Variants in MIB2 observed in about 807,000 individuals in gnomAD.
MIB2 encodes MIB E3 ubiquitin protein ligase 2, also known as E3 ubiquitin-protein ligase MIB2.
MIB2 carries 78 observed loss-of-function variants against 96.6 expected under a neutral mutation model. The observed-to-expected ratio is 0.81, with a 90% CI of 0.67 to 0.97. The LOEUF (loss-of-function observed/expected upper bound fraction) is 0.97, where lower values mean the gene tolerates loss of function less well. Among genes scored for constraint, MIB2 ranks in the 50% least tolerant of loss-of-function variants. The pLI, the probability that MIB2 is intolerant of heterozygous loss-of-function variation, is 0.00. For synonymous variants in MIB2, 820 were observed against 629.5 expected (o/e 1.30, Z -4.53); for missense variants, 1,543 against 1,424.0 (o/e 1.08, Z -1.35).
Position 1,629,301 on chromosome 1 carries a change from C to G in MIB2, c.2371C>G (p.Gln791Glu), listed in dbSNP as rs766300322. The G allele has an allele frequency of 6.6e-7, 1 of 1,505,802 alleles. No homozygotes were observed. Among genetic ancestry groups the G allele is most frequent in the Non-Finnish European group, 8.8e-7 (1 of 1,142,686 alleles). 93.3% of individuals were successfully genotyped at this position (1,505,802 alleles called of 1,614,324 possible). The change falls in exon 17 of 20, where the codon CAG becomes GAG. Residue 791 changes from glutamine to glutamate, a missense_variant. Physicochemically the swap from Gln to Glu is conservative, Grantham distance 29 (BLOSUM62 2). Coordinates refer to ENST00000355826, the MANE Select transcript of MIB2 (RefSeq NM_001170687.4). Reference sequence around the variant, plus strand: ...GCTCAAGGCCCTTCAGGGCTGCGCCCAGCGCTTCCGGTGAGTCCGTGGACG... The same window carrying G: ...GCTCAAGGCCCTTCAGGGCTGCGCCGAGCGCTTCCGGTGAGTCCGTGGACG... ...RVLKALQGCAQRFRERQAGGG... is the reference protein window; with the variant it reads ...RVLKALQGCAERFRERQAGGG...
At position 1,625,025 on chromosome 1, in the gene MIB2, C is replaced by G; in HGVS notation, c.561C>G (p.Ile187Met). 1 of 1,612,968 alleles carries G rather than the reference C, an allele frequency of 6.2e-7. No individual in the cohort carries two copies. The highest frequency in any genetic ancestry group is 2.2e-5 in the East Asian group (1 of 44,866). The change falls in exon 6 of 20, where the codon ATC (isoleucine) becomes ATG (methionine). Residue 187 changes from isoleucine (I) to methionine (M), a missense_variant. Coordinates refer to ENST00000355826, the MANE Select transcript of MIB2 (RefSeq NM_001170687.4). This position sits in a 1 kb window ranked among gnomAD's most constrained non-coding sequence, Gnocchi z 5.0. ...GGAAACCGGGCCGTGTGGTGGACAT[C>G]CGTGGCTGGGATGTGGAGACAGGCC... The part of the protein sequence containing the change: ...GEGKPGRVVD[I>M]RGWDVETGRS...
At chr1:1,627,967 C>A in intron 13 of MIB2, 52 bp from the exon 14 acceptor site, 1 of 1,608,828 alleles carries the variant, frequency 6.2e-7, no homozygotes, top group Non-Finnish European at 8.5e-7. Context: ...TGCCCTGGCT[C>A]TTGACCCAAG....
At position 1,629,623 on chromosome 1, in the gene MIB2, G is replaced by A; in HGVS notation, c.2564-16G>A. ...GGCTAGTAGGGCCGCAGCCAACCGC[G>A]CTCTCCTCTTCGCAGAGTGCGCGCG... On this transcript the variant is annotated splice_polypyrimidine_tract_variant and intron_variant, in intron 18 of 19. Transcript: ENST00000355826. The A allele has an allele frequency of 6.3e-7, 1 of 1,578,220 alleles. No homozygotes were observed. The highest frequency in any genetic ancestry group is 8.6e-7 in the Non-Finnish European group (1 of 1,162,796).
rs778126615 is a variant in MIB2, at chr1:1,626,710, C to G, written c.1033C>G (p.Arg345Gly). ...RVIGDLDTVKRLQAGHGEWTD... is the reference protein window; with the variant it reads ...RVIGDLDTVKGLQAGHGEWTD... The stretch of plus-strand genomic sequence containing the variant: ...CATCGGCGACCTTGACACAGTGAAG[C>G]GGCTGCAGGCTGGGCATGGCGAGTG... The change falls in exon 9 of 20, where the codon CGG (arginine) becomes GGG (glycine). Residue 345 changes from arginine to glycine, a missense_variant. By Grantham distance (125) the Arg-to-Gly change is moderately radical (BLOSUM62 -2). Coordinates refer to ENST00000355826, the MANE Select transcript of MIB2 (RefSeq NM_001170687.4). The surrounding 1 kb of genome is among the most constrained non-coding windows in gnomAD (Gnocchi z 5.3). 10 of 1,601,044 alleles carry G rather than the reference C, an allele frequency of 6.2e-6. No homozygotes were observed. Among genetic ancestry groups the G allele is most frequent in the Non-Finnish European group, 8.5e-6 (10 of 1,173,626 alleles).
chr1:1,616,092 G>C (rs1643615977), intron 1 of MIB2: 1 of 984,338 alleles, frequency 1.0e-6, no homozygotes, highest in South Asian at 4.7e-5. Context: ...GGCAAGTTGG[G>C]GTCGGCAGGT....
chr1:1,624,076 G>A, intron 4 of MIB2, 131 bp downstream of exon 4: 1 of 1,183,314 alleles, frequency 8.5e-7, no homozygotes. Context: ...CAGAGCCGTG[G>A]CCTTAAGCAG....
At chr1:1,617,566 G>A (rs954280006) in intron 2 of MIB2, 2 of 152,190 alleles carry the variant, frequency 1.3e-5, no homozygotes, top group African/African-American at 2.4e-5. Context: ...TCTCCAGCCT[G>A]GCTTGCTGGC....
chr1:1,629,957 A>T (rs1255708846), intron 19 of MIB2, among the ~76,000 whole-genome samples: 2 of 117,978 alleles, frequency 1.7e-5, no homozygotes, highest in Admixed American at 1.8e-4. Flanking sequence ...GCTGGATTTC[A>T]CGGCCCCTCC....
In MIB2 at chr1:1,625,809, G is replaced by A; in HGVS notation, c.972+156G>A. 1.6e-6 allele frequency: 1 copy of A among 632,978 alleles called. No individual in the cohort carries two copies. The highest frequency in any genetic ancestry group is 1.9e-5 in the South Asian group (1 of 52,558). 39.2% of individuals were successfully genotyped at this position (632,978 alleles called of 1,614,324 possible). On this transcript the variant is annotated intron_variant, in intron 8 of 19. Transcript: ENST00000355826. The surrounding 1 kb of genome is among the most constrained non-coding windows in gnomAD (Gnocchi z 5.0). Reference sequence around the variant, plus strand: ...GGGAGGGACTGGTGGGTGGAGGTGGGTGGGGTCAAGGAGAAGAGGGGGTTG... The same window carrying A: ...GGGAGGGACTGGTGGGTGGAGGTGGATGGGGTCAAGGAGAAGAGGGGGTTG...
intron 2 of MIB2, 175 bp from the exon 3 acceptor site, chr1:1,623,256 C>T: frequency 8.9e-7 from 1 of 1,126,330 alleles, no homozygotes; most frequent in Non-Finnish European, 1.2e-6. Flanking sequence ...CTCCCTGGTG[C>T]CAGACTGCGG....
chr1:1,625,131 T>A lies in MIB2; in HGVS notation c.667T>A (p.Cys223Ser). ...CCACAAGGGCAAGGTGGACCTCAAG[T>A]GTGTGGGCGAGGCAGCGGGCGGCTT... ...VGHKGKVDLK[C>S]VGEAAGGFYY... is the part of the protein sequence containing the mutation. Residue 223 changes from cysteine to serine, a missense_variant, in exon 6 of 20, where the codon TGT becomes AGT. Physicochemically the swap from Cys to Ser is moderately radical, Grantham distance 112. Transcript: ENST00000355826. The surrounding 1 kb of genome is among the most constrained non-coding windows in gnomAD (Gnocchi z 5.0). The A allele has an allele frequency of 6.2e-7, 1 of 1,613,058 alleles. No individual in the cohort carries two copies. The highest frequency in any genetic ancestry group is 8.5e-7 in the Non-Finnish European group (1 of 1,179,800).
At chr1:1,624,926 T>C in intron 5 of MIB2, 25 bp downstream of exon 5, 1 of 1,608,942 alleles carries the variant, frequency 6.2e-7, no homozygotes, top group Non-Finnish European at 8.5e-7. Context: ...AGGGGCGGGG[T>C]CAGGGCTGGG....
Position 1,625,941 on chromosome 1 carries a change from G to A in MIB2, c.972+288G>A. 2.0e-6 allele frequency: 1 copy of A among 511,742 alleles called. No individual in the cohort carries two copies. Among genetic ancestry groups the A allele is most frequent in the Non-Finnish European group, 3.5e-6 (1 of 284,622 alleles). The allele number at this position is 511,742 out of a possible 1,614,324, so 31.7% of individuals were successfully genotyped here. ...GGAAGGCAGGACAGCTTCGTGGGCG[G>A]GAGGGAGGCGGCTGGGCTAAGATGC... On this transcript the variant is annotated intron_variant, in intron 8 of 19. Coordinates refer to ENST00000355826, the MANE Select transcript of MIB2 (RefSeq NM_001170687.4). This position sits in a 1 kb window ranked among gnomAD's most constrained non-coding sequence, Gnocchi z 5.0.
chr1:1,621,543 G>A (rs1333146360), intron 2 of MIB2, among the ~76,000 whole-genome samples: 1 of 152,256 alleles, frequency 6.6e-6, no homozygotes, highest in Non-Finnish European at 1.5e-5. Context: ...AGCGTCACCC[G>A]ACAGGTGAGG....
Position 1,628,057 on chromosome 1 carries a change from G to A in MIB2, c.1719G>A (p.Ser573=), listed in dbSNP as rs544082241. 1.3e-5 allele frequency: 21 copies of A among 1,613,008 alleles called. No individual in the cohort carries two copies. The highest frequency in any genetic ancestry group is 1.6e-5 in the Non-Finnish European group (19 of 1,179,982). ...HSDTPLHSAI[S]AGTGASGIVE... Reference sequence around the variant, plus strand: ...ACACGCCCCTGCACTCCGCCATCTCGGCGGGCACTGGAGCCAGCGGCATTG... The same window carrying A: ...ACACGCCCCTGCACTCCGCCATCTCAGCGGGCACTGGAGCCAGCGGCATTG... The change falls in exon 14 of 20, where the codon TCG becomes TCA. Residue 573 remains serine, a synonymous_variant. Transcript: ENST00000355826.
chr1:1,615,877 G>A (rs1196286024), intron 1 of MIB2: 2 of 1,088,534 alleles, frequency 1.8e-6, no homozygotes, highest in Non-Finnish European at 2.2e-6. Context: ...GCCTCGCGCG[G>A]CCCGGGGCCA....
rs1000385433 is a variant in MIB2, at chr1:1,626,959, T to C, written c.1200T>C (p.Asp400=). 6 of 1,611,480 alleles carry C rather than the reference T, an allele frequency of 3.7e-6. No individual in the cohort carries two copies. The highest frequency in any genetic ancestry group is 5.1e-6 in the Non-Finnish European group (6 of 1,179,606). The part of the protein sequence containing the change: ...SCLVAYRPEE[D]ANLDVAERAR... ...TGGTGGCCTACCGGCCCGAGGAGGATGCCAACCTGGACGTGGCCGAGCGCG... is the reference window on the plus strand; with the variant it reads ...TGGTGGCCTACCGGCCCGAGGAGGACGCCAACCTGGACGTGGCCGAGCGCG... Residue 400 remains aspartate (D), a synonymous_variant, in exon 10 of 20, where the codon GAT becomes GAC. Transcript: ENST00000355826. This position sits in a 1 kb window ranked among gnomAD's most constrained non-coding sequence, Gnocchi z 5.3.
At chr1:1,627,594 G>T in intron 12 of MIB2, 79 bp from the exon 13 acceptor site, 1 of 1,514,756 alleles carries the variant, frequency 6.6e-7, no homozygotes, top group East Asian at 2.4e-5. Context: ...GCGTCCTGGG[G>T]TCGGGCCTGG....
At chr1:1,629,753 C>T (rs1015044201) in intron 19 of MIB2, 49 bp downstream of exon 19, 2 of 1,504,316 alleles carry the variant, frequency 1.3e-6, no homozygotes, top group African/African-American at 1.4e-5. Flanking sequence ...AGCTGGTGGC[C>T]CGCGGGTCCC....
Sources: gnomAD v4.1 joint callset for allele counts (sites outside exome capture counted in the v4.1 genomes callset) on GRCh38, gnomAD v4.1.1 for gene constraint, Gnocchi (gnomAD v3.1) non-coding constraint, MANE v1.5 for transcripts, NCBI Gene and HGNC (gene_info 2026-07-23, HGNC 2026-07-21) for gene names.